The following NEDD9 variants were observed in gnomAD, a reference collection of about 807,000 sequenced individuals.
NEDD9 encodes the protein neural precursor cell expressed, developmentally down-regulated 9, also known as enhancer of filamentation 1.
Under a neutral mutation model 76.6 loss-of-function variants are expected in NEDD9, and 26 were observed. That is an observed-to-expected ratio of 0.34 (90% confidence interval 0.25 to 0.47). NEDD9 has a LOEUF of 0.47. Among genes scored for constraint, NEDD9 ranks in the 20% least tolerant of loss-of-function variants. NEDD9 has a pLI of 1.00. For synonymous variants in NEDD9, 392 were observed against 414.2 expected (o/e 0.95, Z 0.65); for missense variants, 937 against 1,058.5 (o/e 0.89, Z 1.59).
chr6:11,252,003 A>T lies in NEDD9; in HGVS notation c.13-38276T>A, dbSNP rs897152936. Reference sequence around the variant, plus strand: ...TCACCTTCTGCTTGCACTTCCCATCAATGCAAAAGCATATCTGGGTGCTTT... The same window carrying T: ...TCACCTTCTGCTTGCACTTCCCATCTATGCAAAAGCATATCTGGGTGCTTT... On this transcript the variant is annotated intron_variant, in intron 3 of 3. Coordinates refer to the NEDD9 transcript ENST00000397378. This position sits in a 1 kb window ranked among gnomAD's most constrained non-coding sequence, Gnocchi z 4.3. Among the ~76,000 whole-genome samples, 1 of 152,152 alleles carries T rather than the reference A, an allele frequency of 6.6e-6. No homozygotes were observed. Among genetic ancestry groups the T allele is most frequent in the African/African-American group, 2.4e-5 (1 of 41,434 alleles).
intron 2 of NEDD9, chr6:11,334,367 A>C (rs959050473): frequency 2.0e-5 from 3 of 152,236 alleles, no homozygotes; most frequent in Admixed American, 2.0e-4. Flanking sequence ...TCATCTGAAA[A>C]ATAACACAAA....
chr6:11,336,300 G>C (rs1022165245), intron 1 of NEDD9, among the ~76,000 whole-genome samples: 49 of 152,324 alleles, frequency 3.2e-4, no homozygotes, highest in African/African-American at 1.2e-3. Context: ...TTTTGTAATT[G>C]TACAAAGTGC....
intron 1 of NEDD9, among the ~76,000 whole-genome samples, chr6:11,344,360 C>T (rs1390330846): frequency 6.6e-6 from 1 of 152,158 alleles, no homozygotes; most frequent in African/African-American, 2.4e-5. Flanking sequence ...AAGAGGGCAC[C>T]TTCAAAGTGG....
intron 2 of NEDD9, among the ~76,000 whole-genome samples, chr6:11,325,924 T>C (rs1582030841): frequency 6.6e-6 from 1 of 152,116 alleles, no homozygotes; most frequent in Non-Finnish European, 1.5e-5. Flanking sequence ...GGCGGGCGGA[T>C]CACCTGAGGC....
intron 3 of NEDD9, among the ~76,000 whole-genome samples, chr6:11,261,310 T>C (rs1760109295): frequency 6.6e-6 from 1 of 152,226 alleles, no homozygotes; most frequent in South Asian, 2.1e-4. Flanking sequence ...ATTTTCTATA[T>C]GGCAAAACTG....
At chr6:11,231,156 G>A (rs868149686) in intron 1 of NEDD9, among the ~76,000 whole-genome samples, 3 of 152,166 alleles carry the variant, frequency 2.0e-5, no homozygotes, top group African/African-American at 7.2e-5. Flanking sequence ...GCCAAGTAGA[G>A]GGATTTGTTT....
chr6:11,366,191 G>A (rs1250036734), intron 1 of NEDD9, among the ~76,000 whole-genome samples: 1 of 151,988 alleles, frequency 6.6e-6, no homozygotes, highest in Non-Finnish European at 1.5e-5. Context: ...GGCTGAAGCA[G>A]GAGAATCACT....
chr6:11,245,499 A>G (rs1398987031), intron 3 of NEDD9, among the ~76,000 whole-genome samples: 1 of 152,216 alleles, frequency 6.6e-6, no homozygotes, highest in Non-Finnish European at 1.5e-5. Context: ...CCATCCACCA[A>G]TACTTACTAA....
intron 2 of NEDD9, among the ~76,000 whole-genome samples, chr6:11,197,713 C>A (rs1758325463): frequency 6.6e-6 from 1 of 152,196 alleles, no homozygotes; most frequent in East Asian, 1.9e-4. Flanking sequence ...AACAAGGAAA[C>A]AAACTCGAAT....
intron 3 of NEDD9, among the ~76,000 whole-genome samples, chr6:11,193,331 A>G (rs906978168): frequency 1.3e-5 from 2 of 151,064 alleles, no homozygotes; most frequent in African/African-American, 4.9e-5. Flanking sequence ...AAAAGAAAAA[A>G]GAAAAATCTA....
At position 11,238,888 on chromosome 6, in the gene NEDD9, G is replaced by A. The variant is rs527636808; in HGVS notation, c.13-25161C>T. Among the ~76,000 whole-genome samples the A allele has an allele frequency of 1.2e-4, 19 of 152,262 alleles. No homozygotes were observed. In the South Asian group the frequency reaches 2.3e-3, roughly 18 times the overall value. On this transcript the variant is annotated intron_variant, in intron 3 of 3. Transcript: ENST00000397378. ...TAAAGTGATCTTCATGGCTGTGTGC[G>A]GTAGCTCACACTTGTAATCCTAGCA...
At chr6:11,200,370 C>T in intron 2 of NEDD9, 4 of 582,660 alleles carry the variant, frequency 6.9e-6, no homozygotes, top group Non-Finnish European at 1.1e-5. Flanking sequence ...ACAAAATTCT[C>T]TCTGGAGGCA....
chr6:11,357,696 C>T (rs912396147), intron 1 of NEDD9, among the ~76,000 whole-genome samples: 1 of 152,152 alleles, frequency 6.6e-6, no homozygotes, highest in Admixed American at 6.5e-5. Flanking sequence ...ATGCAGACCT[C>T]GATTAATTAG....
In NEDD9 at chr6:11,198,104, G is replaced by A. The variant is rs957770921; in HGVS notation, c.460-4412C>T. Among the ~76,000 whole-genome samples, 2 of 152,140 alleles carry A rather than the reference G, an allele frequency of 1.3e-5. No individual in the cohort carries two copies. The highest frequency in any genetic ancestry group is 2.4e-5 in the African/African-American group (1 of 41,426). On this transcript the variant is annotated intron_variant, in intron 2 of 6. Coordinates refer to ENST00000379446, the MANE Select transcript of NEDD9 (RefSeq NM_006403.4). This position sits in a 1 kb window ranked among gnomAD's most constrained non-coding sequence, Gnocchi z 4.7. The stretch of plus-strand genomic sequence containing the variant: ...CCGGGGAGACAGAACTCCTTCTACC[G>A]AAAGAGGGAAGACATTGCGCCCTGT...
intron 3 of NEDD9, among the ~76,000 whole-genome samples, chr6:11,253,635 A>T (rs1250817751): frequency 2.6e-5 from 4 of 152,256 alleles, no homozygotes. Flanking sequence ...GTGGGAAACT[A>T]TGGTATCATT....
intron 1 of NEDD9, among the ~76,000 whole-genome samples, chr6:11,362,670 A>G (rs1042291743): frequency 6.6e-6 from 1 of 152,264 alleles, no homozygotes; most frequent in African/African-American, 2.4e-5. Flanking sequence ...CACTGCGTTG[A>G]CTATAGTCAT....
intron 2 of NEDD9, among the ~76,000 whole-genome samples, chr6:11,325,115 G>T (rs1761894345): frequency 2.0e-5 from 3 of 152,124 alleles, no homozygotes; most frequent in Admixed American, 2.0e-4. Flanking sequence ...CAGCACTTTG[G>T]GAGGCCGAGG....
chr6:11,367,027 T>C (rs1762782204), intron 1 of NEDD9, among the ~76,000 whole-genome samples: 1 of 152,198 alleles, frequency 6.6e-6, no homozygotes, highest in Admixed American at 6.5e-5. Context: ...AAAACCTAGA[T>C]TAGTTTTTGC....
chr6:11,193,357 T>C (rs1347569894), intron 3 of NEDD9, among the ~76,000 whole-genome samples: 3 of 145,846 alleles, frequency 2.1e-5, no homozygotes, highest in Admixed American at 1.3e-4. Flanking sequence ...TGAAGCAAAA[T>C]TGTAGAAGAA....
Sources: gnomAD v4.1 joint callset for allele counts (sites outside exome capture counted in the v4.1 genomes callset) on GRCh38, gnomAD v4.1.1 for gene constraint, Gnocchi (gnomAD v3.1) non-coding constraint, MANE v1.5 for transcripts, NCBI Gene and HGNC (gene_info 2026-07-23, HGNC 2026-07-21) for gene names.